Variants in NXPE2 observed in about 807,000 individuals in gnomAD.
The protein encoded by NXPE2 is neurexophilin and PC-esterase domain family member 2, also known as NXPE family member 2.
In NXPE2, 34 loss-of-function variants were observed where a neutral mutation model predicts 34.4. The ratio of observed to expected loss-of-function variants is 0.99; its 90% CI spans 0.75 to 1.31. The LOEUF is 1.31. Ranked by LOEUF, NXPE2 falls within the 40% of genes most tolerant of loss-of-function variation. The pLI, the probability that NXPE2 is intolerant of heterozygous loss-of-function variation, is 0.00. For synonymous variants in NXPE2, 235 were observed against 231.3 expected (o/e 1.02, Z -0.15); for missense variants, 649 against 672.5 (o/e 0.97, Z 0.39).
At chr11:114,567,565 A>G in the NXPE2 span, among the ~76,000 whole-genome samples, 1 of 151,778 alleles carries the variant, frequency 6.6e-6, no homozygotes, top group Non-Finnish European at 1.5e-5. Flanking sequence ...CTTTTATCTT[A>G]TAGTCACTCA....
At chr11:114,561,550 G>A in the NXPE2 span, among the ~76,000 whole-genome samples, 1 of 152,166 alleles carries the variant, frequency 6.6e-6, no homozygotes. Flanking sequence ...ATTAGACTGA[G>A]TACATATTTT....
At chr11:114,575,186 A>G in the NXPE2 span, among the ~76,000 whole-genome samples, 1 of 152,142 alleles carries the variant, frequency 6.6e-6, no homozygotes, top group Non-Finnish European at 1.5e-5. Context: ...TAGAAGGGAC[A>G]TACCTTAAGG....
At chr11:114,603,624 C>T in the NXPE2 span, among the ~76,000 whole-genome samples, 1 of 151,588 alleles carries the variant, frequency 6.6e-6, no homozygotes, top group Non-Finnish European at 1.5e-5. Flanking sequence ...GCCTTGTCTC[C>T]TAGGTAACTC....
chr11:114,804,685 C>A, the NXPE2 span, among the ~76,000 whole-genome samples: 1 of 152,130 alleles, frequency 6.6e-6, no homozygotes, highest in Non-Finnish European at 1.5e-5. Flanking sequence ...GAATAAGAAC[C>A]AGCTTAGATT....
At chr11:114,756,475 A>T in the NXPE2 span, among the ~76,000 whole-genome samples, 4 of 152,182 alleles carry the variant, frequency 2.6e-5, no homozygotes, top group Non-Finnish European at 4.4e-5. Context: ...ATCATACTTA[A>T]TTTTGACATC....
chr11:114,780,366 G>C, the NXPE2 span, among the ~76,000 whole-genome samples: 1 of 152,210 alleles, frequency 6.6e-6, no homozygotes, highest in Non-Finnish European at 1.5e-5. Context: ...CCACGAGGAT[G>C]AGGACAAAGA....
In NXPE2 at chr11:114,706,750, G is replaced by T; in HGVS notation, c.1500G>T (p.Glu500Asp). Residue 500 changes from glutamate to aspartate, a missense_variant, in exon 6 of 6, where the codon GAG becomes GAT. By Grantham distance (45) the Glu-to-Asp change is conservative. Coordinates refer to ENST00000389586, the MANE Select transcript of NXPE2 (RefSeq NM_182495.6). Reference protein sequence around the residue: ...ENTREIEQNAEMFSDFHGYIQ... With the variant: ...ENTREIEQNADMFSDFHGYIQ... ...CCAGAGAGATAGAACAAAATGCAGA[G>T]ATGTTCAGTGACTTTCATGGCTATA... is the stretch of plus-strand genomic sequence containing the variant. The T allele has an allele frequency of 3.2e-6, 5 of 1,552,348 alleles. No individual in the cohort carries two copies. In the South Asian group the frequency reaches 4.8e-5, roughly 15 times the overall value.
chr11:114,556,758 T>C, the NXPE2 span, among the ~76,000 whole-genome samples: 1 of 152,120 alleles, frequency 6.6e-6, no homozygotes, highest in Non-Finnish European at 1.5e-5. Context: ...TAAGCCACTC[T>C]GACATTTTTT....
chr11:114,721,612 G>T, the NXPE2 span, among the ~76,000 whole-genome samples: 1 of 152,178 alleles, frequency 6.6e-6, no homozygotes, highest in Non-Finnish European at 1.5e-5. Context: ...GGAAAGAGAT[G>T]GTGATGATTT....
the NXPE2 span, chr11:114,571,228 G>C: frequency 7.4e-6 from 12 of 1,613,950 alleles, no homozygotes; most frequent in Non-Finnish European, 9.3e-6. Flanking sequence ...AGGGCCCTTC[G>C]GATAAAAACA....
the NXPE2 span, among the ~76,000 whole-genome samples, chr11:114,631,059 C>G: frequency 6.6e-6 from 1 of 151,770 alleles, no homozygotes; most frequent in Admixed American, 6.6e-5. Context: ...AATAGGAACA[C>G]TTTTACACTG....
At chr11:114,702,461 A>G (rs1951383512) in intron 3 of NXPE2, among the ~76,000 whole-genome samples, 1 of 152,198 alleles carries the variant, frequency 6.6e-6, no homozygotes, top group Non-Finnish European at 1.5e-5. Flanking sequence ...TCTTAAAGAC[A>G]AATCTTACTC....
chr11:114,667,181 G>A, the NXPE2 span, among the ~76,000 whole-genome samples: 2 of 152,080 alleles, frequency 1.3e-5, no homozygotes, highest in Admixed American at 6.6e-5. Flanking sequence ...GACAGAGAGT[G>A]ACAAAACTGG....
chr11:114,806,567 G>A, the NXPE2 span, among the ~76,000 whole-genome samples: 98 of 152,288 alleles, frequency 6.4e-4, 1 homozygote, highest in African/African-American at 1.9e-3. Flanking sequence ...CTCAGTAGCC[G>A]ATGCGATCAA....
chr11:114,467,891 G>T, the NXPE2 span, among the ~76,000 whole-genome samples: 1 of 152,040 alleles, frequency 6.6e-6, no homozygotes, highest in African/African-American at 2.4e-5. Flanking sequence ...AGCCGAGATT[G>T]TGTCACTGCA....
At chr11:114,606,222 G>T in the NXPE2 span, among the ~76,000 whole-genome samples, 2 of 151,638 alleles carry the variant, frequency 1.3e-5, no homozygotes, top group African/African-American at 4.9e-5. Flanking sequence ...TTGCCTCATG[G>T]GTAACCACTG....
At chr11:114,491,638 A>G in the NXPE2 span, among the ~76,000 whole-genome samples, 1 of 152,132 alleles carries the variant, frequency 6.6e-6, no homozygotes, top group Non-Finnish European at 1.5e-5. Context: ...ATACCATGTG[A>G]CCCAGCCATC....
At chr11:114,560,118 G>A in the NXPE2 span, among the ~76,000 whole-genome samples, 4 of 152,212 alleles carry the variant, frequency 2.6e-5, no homozygotes, top group South Asian at 2.1e-4. Context: ...AACAGCTGTG[G>A]TCCTTGAAGT....
At chr11:114,749,606 A>G in the NXPE2 span, among the ~76,000 whole-genome samples, 3 of 152,128 alleles carry the variant, frequency 2.0e-5, no homozygotes, top group Admixed American at 6.5e-5. Context: ...TCATTCTGGT[A>G]TTCTCCCTTT....
Sources: gnomAD v4.1 joint callset for allele counts (sites outside exome capture counted in the v4.1 genomes callset) on GRCh38, gnomAD v4.1.1 for gene constraint, MANE v1.5 for transcripts, NCBI Gene and HGNC (gene_info 2026-07-23, HGNC 2026-07-21) for gene names.